Variants in GALK2 observed in about 807,000 individuals in gnomAD.
GALK2 encodes N-acetylgalactosamine kinase.
In GALK2, 36 loss-of-function variants were observed where a neutral mutation model predicts 52.4. The ratio of observed to expected loss-of-function variants is 0.69; its 90% confidence interval spans 0.53 to 0.91. The LOEUF is 0.91. Among genes scored for constraint, GALK2 ranks in the 40% least tolerant of loss-of-function variants. GALK2 has a pLI of 0.00. For synonymous variants in GALK2, 176 were observed against 199.1 expected (o/e 0.88, Z 0.98); for missense variants, 579 against 559.1 (o/e 1.04, Z -0.36).
At chr15:49,165,941 T>G (rs1335293216), upstream of GALK2, among the ~76,000 whole-genome samples, 1 of 151,952 alleles carries the variant, frequency 6.6e-6, no homozygotes, top group East Asian at 1.9e-4. Context: ...TAGCTGGGAC[T>G]ACAGGCGCCC....
intron 2 of GALK2, among the ~76,000 whole-genome samples, chr15:49,213,697 G>A (rs530359680): frequency 1.3e-5 from 2 of 152,074 alleles, no homozygotes; most frequent in East Asian, 1.9e-4. Context: ...ATAGTTATAA[G>A]GTACAGACTT....
intron 3 of GALK2, among the ~76,000 whole-genome samples, chr15:49,233,079 C>T (rs1340095210): frequency 6.6e-6 from 1 of 152,172 alleles, no homozygotes; most frequent in Non-Finnish European, 1.5e-5. Context: ...TTCATTCTTG[C>T]ACTGCTATAA....
At chr15:49,313,982 A>G (rs1236016176) in intron 8 of GALK2, among the ~76,000 whole-genome samples, 1 of 152,220 alleles carries the variant, frequency 6.6e-6, no homozygotes, top group African/African-American at 2.4e-5. Context: ...GATGAAATAG[A>G]CATGTCCTCT....
chr15:49,340,540 G>C (rs1423389028), intron 3 of GALK2, among the ~76,000 whole-genome samples: 1 of 152,074 alleles, frequency 6.6e-6, no homozygotes, highest in African/African-American at 2.4e-5. Context: ...CTTGCTGGAA[G>C]CTGCAGACCA....
chr15:49,262,210 G>T (rs1008728607), intron 5 of GALK2, among the ~76,000 whole-genome samples: 125 of 152,062 alleles, frequency 8.2e-4, no homozygotes, highest in Non-Finnish European at 1.4e-3. Flanking sequence ...GACTCTTTTT[G>T]GTTGGTAAGC....
At chr15:49,204,710 T>G (rs1318211192) in intron 2 of GALK2, among the ~76,000 whole-genome samples, 1 of 152,202 alleles carries the variant, frequency 6.6e-6, no homozygotes, top group East Asian at 1.9e-4. Context: ...TAAAATCTTA[T>G]TTTTCCATAA....
At chr15:49,263,987 C>T (rs961373723) in intron 5 of GALK2, among the ~76,000 whole-genome samples, 4 of 152,086 alleles carry the variant, frequency 2.6e-5, no homozygotes, top group South Asian at 2.1e-4. Context: ...ACCTTTCTCT[C>T]TAGCTGTCCT....
chr15:49,304,591 G>A (rs1425570211), intron 8 of GALK2, among the ~76,000 whole-genome samples: 1 of 152,206 alleles, frequency 6.6e-6, no homozygotes, highest in Non-Finnish European at 1.5e-5. Context: ...AGATGGATGT[G>A]ATGAACTTCA....
At chr15:49,348,532 C>T (rs1359746107) in intron 3 of GALK2, among the ~76,000 whole-genome samples, 1 of 152,168 alleles carries the variant, frequency 6.6e-6, no homozygotes, top group Admixed American at 6.5e-5. Context: ...ATATAGGTTT[C>T]TACTTTCTGA....
chr15:49,251,740 C>T lies in GALK2; in HGVS notation c.504+12373C>T, dbSNP rs150732267. ...CATTTCTTAACCTTGATGGTGGTTA[C>T]GAGGATGTTTCCTTTGTGACAAATT... On this transcript the variant is annotated intron_variant, in intron 5 of 9. Coordinates refer to ENST00000560031, the MANE Select transcript of GALK2 (RefSeq NM_002044.4). 1.8e-3 allele frequency among the ~76,000 whole-genome samples: 273 copies of T among 152,204 alleles called. 4 individuals are homozygous for T. The highest frequency in any genetic ancestry group is 5.4e-3 in the African/African-American group (225 of 41,512).
At chr15:49,333,429 C>A (rs768154161), downstream of GALK2, among the ~76,000 whole-genome samples, 1 of 152,150 alleles carries the variant, frequency 6.6e-6, no homozygotes, top group Non-Finnish European at 1.5e-5. Context: ...TTGTGAGTTA[C>A]TCTGAGAATT....
At chr15:49,276,060 C>T (rs754993425) in intron 5 of GALK2, among the ~76,000 whole-genome samples, 1 of 152,200 alleles carries the variant, frequency 6.6e-6, no homozygotes, top group African/African-American at 2.4e-5. Context: ...TCTGAATAGA[C>T]ACCAGCTTAT....
At chr15:49,176,442 A>G (rs1330749267) in intron 1 of GALK2, among the ~76,000 whole-genome samples, 2 of 152,232 alleles carry the variant, frequency 1.3e-5, no homozygotes, top group Admixed American at 6.5e-5. Flanking sequence ...TGGCCCAAAT[A>G]AACTCTGTAT....
chr15:49,170,357 A>C lies in GALK2; in HGVS notation c.35A>C (p.Gln12Pro). The C allele has an allele frequency of 3.8e-6, 6 of 1,592,688 alleles. No homozygotes were observed. The African/African-American group carries it at 6.7e-5, about 18-fold the overall frequency. The change falls in exon 1 of 10, where the codon CAG becomes CCG. Residue 12 changes from glutamine (Q) to proline (P), a missense_variant. By Grantham distance (76) the Gln-to-Pro change is moderately conservative. Coordinates refer to ENST00000560031, the MANE Select transcript of GALK2 (RefSeq NM_002044.4). ...GAGAGCCCTGCTACGCGTCGGGTCC[A>C]GGTGGCAGAACATCCTAGGTGGGGG... ...ATESPATRRV[Q>P]VAEHPRLLKL...
intron 3 of GALK2, among the ~76,000 whole-genome samples, chr15:49,352,410 T>C (rs1212581656): frequency 6.6e-6 from 1 of 152,204 alleles, no homozygotes; most frequent in Non-Finnish European, 1.5e-5. Flanking sequence ...TTGAAAAATA[T>C]AATCTGCCAT....
intron 1 of GALK2, chr15:49,178,593 G>T: frequency 4.4e-6 from 1 of 229,192 alleles, no homozygotes; most frequent in East Asian, 1.1e-4. Flanking sequence ...TAGCCCTGTC[G>T]GTGCACTTTT....
At position 49,292,469 on chromosome 15, in the gene GALK2, T is replaced by G. The variant is rs772725587; in HGVS notation, c.899T>G (p.Ile300Ser). The change falls in exon 8 of 10, where the codon ATC becomes AGC. Residue 300 changes from isoleucine (I) to serine (S), a missense_variant. Ile to Ser is a moderately radical substitution (Grantham distance 142). Coordinates refer to ENST00000560031, the MANE Select transcript of GALK2 (RefSeq NM_002044.4). ...CCTGAACCCTATAACCCTGAGGAGA[T>G]CTGCAGGTGTCTGGGAATTAGCCTG... ...LHPEPYNPEE[I>S]CRCLGISLEE... The G allele has an allele frequency of 6.2e-7, 1 of 1,613,982 alleles. No homozygotes were observed. Among genetic ancestry groups the G allele is most frequent in the East Asian group, 2.2e-5 (1 of 44,870 alleles).
At chr15:49,338,807 T>G (rs1253155763) in intron 3 of GALK2, among the ~76,000 whole-genome samples, 2 of 152,234 alleles carry the variant, frequency 1.3e-5, no homozygotes, top group Non-Finnish European at 2.9e-5. Context: ...CCATATTTGT[T>G]GGAGGCTTTG....
chr15:49,205,949 T>C (rs1426738269), intron 2 of GALK2, among the ~76,000 whole-genome samples: 5 of 152,232 alleles, frequency 3.3e-5, no homozygotes, highest in Non-Finnish European at 7.3e-5. Flanking sequence ...CTCCCACATG[T>C]GGCTAGCCAG....
Sources: gnomAD v4.1 joint callset for allele counts (sites outside exome capture counted in the v4.1 genomes callset) on GRCh38, gnomAD v4.1.1 for gene constraint, MANE v1.5 for transcripts, NCBI Gene and HGNC (gene_info 2026-07-23, HGNC 2026-07-21) for gene names.